GPR158: variants seen among roughly 807,000 people sequenced by gnomAD.
The protein encoded by GPR158 is G protein-coupled receptor 158.
In GPR158, 30 loss-of-function variants were observed where a neutral mutation model predicts 78.2. The observed-to-expected ratio is 0.38, with a 90% confidence interval of 0.29 to 0.52. GPR158 has a LOEUF of 0.52. GPR158 is among the 20% of genes least tolerant of loss of function. GPR158 has a pLI of 0.83. For missense variants in GPR158, 1,463 were observed against 1,523.5 expected, an observed-to-expected ratio of 0.96 and a Z score of 0.66; for synonymous variants, 581 against 591.1, an observed-to-expected ratio of 0.98 and a Z score of 0.25.
At chr10:25,338,599 AT>A (rs1855259717) in intron 2 of GPR158, among the ~76,000 whole-genome samples, 2 of 146,592 alleles carry the variant, frequency 1.4e-5, no homozygotes, top group African/African-American at 4.9e-5. Flanking sequence ...TATATATATT[AT>A]TATATATAAA....
intron 3 of GPR158, among the ~76,000 whole-genome samples, chr10:25,409,529 CA>C (rs1834558525): frequency 6.6e-6 from 1 of 152,164 alleles, no homozygotes; most frequent in African/African-American, 2.4e-5. Context: ...TTTTCTACTT[CA>C]AAATGTATTT....
chr10:25,263,890 C>T (rs924313071), intron 2 of GPR158, among the ~76,000 whole-genome samples: 2 of 152,138 alleles, frequency 1.3e-5, no homozygotes, highest in African/African-American at 4.8e-5. Context: ...TGAGCTGATA[C>T]AGTGCCACTG....
intron 5 of GPR158, among the ~76,000 whole-genome samples, chr10:25,539,106 G>T (rs1013620201): frequency 8.5e-5 from 13 of 152,098 alleles, no homozygotes; most frequent in African/African-American, 3.1e-4. Context: ...TCACATTTAT[G>T]AATGTAGTGC....
chr10:25,467,458 C>A (rs2480348), intron 5 of GPR158, among the ~76,000 whole-genome samples: 67,210 of 152,012 alleles, frequency 0.44, 15,935 homozygotes, highest in East Asian at 0.8. Context: ...GACGACTTTG[C>A]AGGACCATTT....
At chr10:25,486,220 T>C (rs567836025) in intron 5 of GPR158, among the ~76,000 whole-genome samples, 2 of 152,304 alleles carry the variant, frequency 1.3e-5, no homozygotes, top group South Asian at 4.1e-4. Flanking sequence ...GACATCCTAA[T>C]TCAAACCCTA....
chr10:25,548,695 C>T (rs117830089), intron 5 of GPR158, among the ~76,000 whole-genome samples: 266 of 152,310 alleles, frequency 1.7e-3, no homozygotes, highest in Non-Finnish European at 3.4e-3. Context: ...CTCCTACCAC[C>T]AGCTTTGCCT....
At chr10:25,508,036 C>A (rs948812802) in intron 5 of GPR158, among the ~76,000 whole-genome samples, 1 of 152,108 alleles carries the variant, frequency 6.6e-6, no homozygotes, top group African/African-American at 2.4e-5. Context: ...ATGGAAATTT[C>A]CACCTGAATT....
At chr10:25,369,361 A>G (rs900830775) in intron 2 of GPR158, among the ~76,000 whole-genome samples, 9 of 150,200 alleles carry the variant, frequency 6.0e-5, no homozygotes, top group Middle Eastern at 3.4e-3. Flanking sequence ...TAATTTATTG[A>G]GAGTTTTTAG....
At chr10:25,426,165 A>G (rs1282491025) in intron 4 of GPR158, among the ~76,000 whole-genome samples, 1 of 152,252 alleles carries the variant, frequency 6.6e-6, no homozygotes, top group South Asian at 2.1e-4. Flanking sequence ...CTCAGCCTTC[A>G]TCGAATTGAA....
chr10:25,357,590 A>G (rs12219956), intron 2 of GPR158, among the ~76,000 whole-genome samples: 20,493 of 152,134 alleles, frequency 0.13, 1,460 homozygotes, highest in African/African-American at 0.18. Flanking sequence ...GCAAGCCCCA[A>G]GCCTTGGCAG....
chr10:25,368,952 C>A (rs940955628), intron 2 of GPR158, among the ~76,000 whole-genome samples: 2 of 66,880 alleles, frequency 3.0e-5, no homozygotes, highest in African/African-American at 1.3e-4. Flanking sequence ...GGAGTTCACT[C>A]ATGATTTGGC....
chr10:25,222,163 C>T (rs1399398031), intron 2 of GPR158, among the ~76,000 whole-genome samples: 2 of 151,934 alleles, frequency 1.3e-5, no homozygotes, highest in South Asian at 2.1e-4. Context: ...ACCATGTATA[C>T]ACCCACCACG....
At position 25,412,470 on chromosome 10, in the gene GPR158, A is replaced by G; in HGVS notation, c.1332A>G (p.Ala444=). The G allele has an allele frequency of 6.2e-7, 1 of 1,609,864 alleles. No individual in the cohort carries two copies. The highest frequency in any genetic ancestry group is 1.3e-5 in the African/African-American group (1 of 74,998). The change falls in exon 4 of 11, where the codon GCA becomes GCG. Residue 444 remains alanine, a synonymous_variant. Coordinates refer to ENST00000376351, the MANE Select transcript of GPR158 (RefSeq NM_020752.3). ...SMLVVYHFRK[A]KSIRASGLIL... Reference sequence around the variant, plus strand: ...TGGTGGTCTACCACTTTCGCAAAGCAAAGGTAAACCCAGGAACCCTGGTTA... The same window carrying G: ...TGGTGGTCTACCACTTTCGCAAAGCGAAGGTAAACCCAGGAACCCTGGTTA...
chr10:25,598,912 C>A lies in GPR158; in HGVS notation c.3286C>A (p.Pro1096Thr), dbSNP rs1365922561. 1 of 1,613,880 alleles carries A rather than the reference C, an allele frequency of 6.2e-7. No homozygotes were observed. The highest frequency in any genetic ancestry group is 1.3e-5 in the African/African-American group (1 of 74,936). The change falls in exon 11 of 11, where the codon CCA (proline) becomes ACA (threonine). Residue 1096 changes from proline to threonine, a missense_variant. Pro to Thr is a conservative substitution (Grantham distance 38, BLOSUM62 -1). Transcript: ENST00000376351. ...KLLISKTPVL[P>T]ERAKEENGGQ... ...TTTGATTTCCAAGACTCCAGTTCTC[C>A]CAGAGAGGGCAAAAGAGGAGAACGG...
At chr10:25,298,834 T>A (rs772714661) in intron 2 of GPR158, among the ~76,000 whole-genome samples, 1 of 152,228 alleles carries the variant, frequency 6.6e-6, no homozygotes, top group African/African-American at 2.4e-5. Flanking sequence ...TCTCTTCTAC[T>A]AGAGCCCTCA....
chr10:25,232,906 A>G (rs1415505562), intron 2 of GPR158, among the ~76,000 whole-genome samples: 1 of 152,220 alleles, frequency 6.6e-6, no homozygotes, highest in African/African-American at 2.4e-5. Flanking sequence ...GTGTATGGAA[A>G]GTGGTAGGGA....
intron 4 of GPR158, among the ~76,000 whole-genome samples, chr10:25,460,283 C>T (rs935851971): frequency 6.6e-6 from 1 of 151,724 alleles, no homozygotes; most frequent in Admixed American, 6.6e-5. Flanking sequence ...CTCACTGCAA[C>T]CTCTGCCTCC....
At chr10:25,206,912 G>C (rs567496537) in intron 1 of GPR158, among the ~76,000 whole-genome samples, 5 of 150,226 alleles carry the variant, frequency 3.3e-5, no homozygotes, top group African/African-American at 7.4e-5. Context: ...AAGACGTAAG[G>C]CTCCTAGATC....
intron 2 of GPR158, among the ~76,000 whole-genome samples, chr10:25,270,270 G>A (rs1854100654): frequency 6.6e-6 from 1 of 152,138 alleles, no homozygotes; most frequent in South Asian, 2.1e-4. Flanking sequence ...TGCTAGAATT[G>A]TATAGATTCT....
Sources: allele counts gnomAD v4.1 joint callset (sites outside exome capture counted in the v4.1 genomes callset), GRCh38; gene constraint gnomAD v4.1.1; transcripts MANE v1.5; gene names NCBI Gene and HGNC (gene_info 2026-07-23, HGNC 2026-07-21).